The following UBL3 variants were observed in gnomAD, a reference collection of about 807,000 sequenced individuals.
UBL3 encodes the protein ubiquitin-like protein 3.
In UBL3, 6 loss-of-function variants were observed where a neutral mutation model predicts 18.4. That is an observed-to-expected ratio of 0.33 (90% CI 0.18 to 0.64). The LOEUF (loss-of-function observed/expected upper bound fraction) is 0.64. Ranked by LOEUF, UBL3 falls within the 30% of genes least tolerant of loss-of-function variation. UBL3 has a pLI of 0.76. For missense variants in UBL3, 109 were observed against 142.9 expected, an observed-to-expected ratio of 0.76 and a Z score of 1.21; for synonymous variants, 49 against 46.6, an observed-to-expected ratio of 1.05 and a Z score of -0.21.
chr13:29,784,929 G>A (rs901816884), intron 1 of UBL3, among the ~76,000 whole-genome samples: 4 of 151,976 alleles, frequency 2.6e-5, no homozygotes, highest in Admixed American at 6.6e-5. Context: ...CTTTTGAGAC[G>A]GAGTCTCACT....
At chr13:29,813,632 C>G (rs1878174803) in intron 1 of UBL3, among the ~76,000 whole-genome samples, 1 of 151,984 alleles carries the variant, frequency 6.6e-6, no homozygotes, top group East Asian at 1.9e-4. Flanking sequence ...TGTAAGTAAT[C>G]TAGAGATAAT....
At chr13:29,773,261 GGCACA>G (rs1426902131) in intron 2 of UBL3, among the ~76,000 whole-genome samples, 1 of 152,100 alleles carries the variant, frequency 6.6e-6, no homozygotes, top group East Asian at 1.9e-4. Flanking sequence ...AGGTAACTTA[GGCACA>G]GCAGAAATGA....
chr13:29,816,783 GGAAC>G (rs1878294771), intron 1 of UBL3, among the ~76,000 whole-genome samples: 1 of 119,428 alleles, frequency 8.4e-6, no homozygotes, highest in South Asian at 2.5e-4. Context: ...AAAAAAAAAA[GGAAC>G]AATGTTGAAC....
intron 1 of UBL3, among the ~76,000 whole-genome samples, chr13:29,824,288 C>G (rs1421534499): frequency 6.6e-6 from 1 of 152,202 alleles, no homozygotes; most frequent in African/African-American, 2.4e-5. Flanking sequence ...ACCACACTGT[C>G]TTCCACAATG....
Position 29,767,610 on chromosome 13 carries a change from T to C in UBL3, c.301+8A>G. On this transcript the variant is annotated splice_region_variant and intron_variant, in intron 4 of 4. Transcript: ENST00000380680. ...TCAACTGAGATACTTTTCCAGTGCATGGCTTACCTTGAGAGTTTGGCTCTG... is the reference window on the plus strand; with the variant it reads ...TCAACTGAGATACTTTTCCAGTGCACGGCTTACCTTGAGAGTTTGGCTCTG... 6.2e-7 allele frequency: 1 copy of C among 1,612,458 alleles called. No homozygotes were observed.
chr13:29,845,966 T>G (rs1566003586), intron 1 of UBL3, among the ~76,000 whole-genome samples: 1 of 152,102 alleles, frequency 6.6e-6, no homozygotes, highest in Non-Finnish European at 1.5e-5. Context: ...TACAATACTC[T>G]TATAAAAACA....
At chr13:29,774,398 G>T (rs182349883) in intron 2 of UBL3, among the ~76,000 whole-genome samples, 33 of 151,024 alleles carry the variant, frequency 2.2e-4, no homozygotes, top group African/African-American at 7.5e-4. Context: ...TACTATGACC[G>T]CTCCCCCCAA....
chr13:29,848,000 CTG>C (rs1879270875), intron 1 of UBL3, among the ~76,000 whole-genome samples: 1 of 152,150 alleles, frequency 6.6e-6, no homozygotes, highest in Non-Finnish European at 1.5e-5. Flanking sequence ...AGACAGAACA[CTG>C]TGTTTCCTTT....
intron 1 of UBL3, among the ~76,000 whole-genome samples, chr13:29,795,302 G>GA (rs1048426618): frequency 3.0e-4 from 46 of 151,924 alleles, no homozygotes; most frequent in African/African-American, 1.0e-3. Flanking sequence ...TTCCAAAGGG[G>GA]AAAAAATGAG....
chr13:29,819,806 G>T (rs1445060698), intron 1 of UBL3, among the ~76,000 whole-genome samples: 2 of 151,746 alleles, frequency 1.3e-5, no homozygotes, highest in East Asian at 3.9e-4. Flanking sequence ...AAGAATTAAT[G>T]ATAAAGATTC....
At chr13:29,781,762 C>T (rs1877180513) in intron 1 of UBL3, among the ~76,000 whole-genome samples, 4 of 144,688 alleles carry the variant, frequency 2.8e-5, no homozygotes, top group African/African-American at 1.0e-4. Context: ...AGCAGGAGGA[C>T]AGCTTGAGGC....
At chr13:29,767,372 G>A in intron 4 of UBL3, 65 bp from the exon 5 acceptor site, 2 of 1,580,446 alleles carry the variant, frequency 1.3e-6, no homozygotes, top group South Asian at 1.1e-5. Context: ...AATGGGCTAG[G>A]CAATCAAGTG....
At chr13:29,796,417 C>G (rs566029983) in intron 1 of UBL3, among the ~76,000 whole-genome samples, 1 of 152,254 alleles carries the variant, frequency 6.6e-6, no homozygotes, top group East Asian at 1.9e-4. Context: ...TAAACAGATT[C>G]AATTTCTTCT....
chr13:29,838,787 A>G (rs1879022259), intron 1 of UBL3, among the ~76,000 whole-genome samples: 1 of 152,210 alleles, frequency 6.6e-6, no homozygotes, highest in Non-Finnish European at 1.5e-5. Context: ...TTCAAACCCA[A>G]ATAATGTGGT....
At chr13:29,795,645 G>A (rs1877589044) in intron 1 of UBL3, among the ~76,000 whole-genome samples, 1 of 151,446 alleles carries the variant, frequency 6.6e-6, no homozygotes, top group Non-Finnish European at 1.5e-5. Context: ...CCTAAGGAGA[G>A]GTGGCAGCTT....
chr13:29,800,051 C>G (rs113915273), intron 1 of UBL3, among the ~76,000 whole-genome samples: 1 of 152,136 alleles, frequency 6.6e-6, no homozygotes, highest in African/African-American at 2.4e-5. Context: ...GATGACTATA[C>G]TAACATCCAA....
intron 2 of UBL3, 43 bp from the exon 3 acceptor site, chr13:29,772,241 T>C: frequency 6.6e-7 from 1 of 1,508,918 alleles, no homozygotes; most frequent in African/African-American, 1.4e-5. Context: ...TTCCAACATA[T>C]AATTAAGGTA....
rs1301987208 is a variant in UBL3 at position 29,765,686 on chromosome 13, G to A, written c.*1569C>T. The stretch of plus-strand genomic sequence containing the variant: ...AGGTTGCAGAAAGAAAACGTTTAGT[G>A]CTATTTACATTCATTTTAAAACTCT... On this transcript the variant is annotated 3_prime_UTR_variant, in exon 5 of 5. Coordinates refer to ENST00000380680, the MANE Select transcript of UBL3 (RefSeq NM_007106.4). 6.6e-6 allele frequency: 1 copy of A among 152,364 alleles called. No individual in the cohort carries two copies. The highest frequency in any genetic ancestry group is 1.9e-4 in the East Asian group (1 of 5,188). 9.4% of individuals were successfully genotyped at this position (152,364 alleles called of 1,614,324 possible).
At chr13:29,829,832 AC>A (rs1878730015) in intron 1 of UBL3, among the ~76,000 whole-genome samples, 1 of 152,036 alleles carries the variant, frequency 6.6e-6, no homozygotes, top group Admixed American at 6.5e-5. Flanking sequence ...TCTTGGAACC[AC>A]CCCCTACTCA....
Sources: gnomAD v4.1 joint callset for allele counts (sites outside exome capture counted in the v4.1 genomes callset) on GRCh38, gnomAD v4.1.1 for gene constraint, MANE v1.5 for transcripts, NCBI Gene and HGNC (gene_info 2026-07-23, HGNC 2026-07-21) for gene names.